NIN: variants seen among roughly 807,000 people sequenced by gnomAD.
The protein encoded by NIN is glycogen synthase kinase 3 beta-interacting protein.
Under a neutral mutation model 257.6 loss-of-function variants are expected in NIN, and 137 were observed. The ratio of observed to expected loss-of-function variants is 0.53; its 90% CI spans 0.46 to 0.61. NIN has a LOEUF of 0.61. Among genes scored for constraint, NIN ranks in the 20% least tolerant of loss-of-function variants. The pLI is 0.00. For missense variants in NIN, 2,439 were observed against 2,501.2 expected, an observed-to-expected ratio of 0.98 and a Z score of 0.53; for synonymous variants, 918 against 919.8, an observed-to-expected ratio of 1.00 and a Z score of 0.04.
rs887266520 is a variant in NIN at position 50,722,691 on chromosome 14, T to A, written c.*772A>T. 4.6e-6 allele frequency: 1 copy of A among 217,078 alleles called. No homozygotes were observed. 13.4% of individuals were successfully genotyped at this position (217,078 alleles called of 1,614,324 possible). A position where few individuals can be genotyped will look rare whatever the true frequency, so the allele number is the denominator to read the frequency against. ...CTCCAAAGTGGTTTGTTCAGTGCTT[T>A]CCCTATAGTTCAACTGCTTTAATTA... On this transcript the variant is annotated 3_prime_UTR_variant, in exon 31 of 31. Transcript: ENST00000530997.
At chr14:50,745,481 A>G (rs565136834) in intron 22 of NIN, among the ~76,000 whole-genome samples, 106 of 152,254 alleles carry the variant, frequency 7.0e-4, no homozygotes, top group Non-Finnish European at 1.2e-3. Flanking sequence ...ATTCTTTATT[A>G]TCATTATGAT....
chr14:50,750,810 A>G (rs944686404), intron 21 of NIN, among the ~76,000 whole-genome samples: 35 of 152,154 alleles, frequency 2.3e-4, no homozygotes, highest in African/African-American at 7.0e-4. Context: ...CTATGGTTCT[A>G]AGAGTCAGAG....
Position 50,741,820 on chromosome 14 carries a change from C to T in NIN, c.5302-92G>A. On this transcript the variant is annotated intron_variant, in intron 24 of 30. Coordinates refer to ENST00000530997, the MANE Select transcript of NIN (RefSeq NM_020921.4). Reference sequence around the variant, plus strand: ...GAATGAATAAGGACAAAAGAACTTTCAAGTCTGTTTGTTTCTCTTTACTAA... The same window carrying T: ...GAATGAATAAGGACAAAAGAACTTTTAAGTCTGTTTGTTTCTCTTTACTAA... 3 of 1,421,148 alleles carry T rather than the reference C, an allele frequency of 2.1e-6. No individual in the cohort carries two copies. In the South Asian group the frequency reaches 4.2e-5, roughly 20 times the overall value. The allele number at this position is 1,421,148 out of a possible 1,614,324, so 88.0% of individuals were successfully genotyped here.
At chr14:50,766,157 G>T in intron 14 of NIN, 150 bp downstream of exon 14, 2 of 638,240 alleles carry the variant, frequency 3.1e-6, no homozygotes, top group Non-Finnish European at 5.5e-6. Flanking sequence ...ATTTTGTGGT[G>T]GGTACTTTTA....
chr14:50,767,363 C>A (rs544563091), intron 12 of NIN, among the ~76,000 whole-genome samples: 24 of 152,296 alleles, frequency 1.6e-4, no homozygotes, highest in African/African-American at 5.8e-4. Flanking sequence ...TATTTGCAAA[C>A]TGAAATTATA....
At chr14:50,794,756 G>C (rs1239330813) in intron 4 of NIN, among the ~76,000 whole-genome samples, 5 of 132,908 alleles carry the variant, frequency 3.8e-5, no homozygotes, top group Admixed American at 1.5e-4. Flanking sequence ...CACTTATTCA[G>C]AGGTTAAAAA....
intron 12 of NIN, 102 bp from the exon 13 acceptor site, chr14:50,766,992 G>A: frequency 1.3e-6 from 1 of 756,608 alleles, no homozygotes. Flanking sequence ...GATTAAAGAT[G>A]TTTATCTATC....
At chr14:50,826,704 G>A (rs2045473150) in intron 2 of NIN, among the ~76,000 whole-genome samples, 1 of 152,134 alleles carries the variant, frequency 6.6e-6, no homozygotes, top group African/African-American at 2.4e-5. Context: ...AGTGAAAAAG[G>A]GACAAAGTCT....
intron 3 of NIN, among the ~76,000 whole-genome samples, chr14:50,818,509 T>C (rs533705728): frequency 6.6e-6 from 1 of 152,208 alleles, no homozygotes; most frequent in East Asian, 1.9e-4. Context: ...TTTTGTAGTA[T>C]TTGCTCCCCG....
chr14:50,729,661 CA>C lies in NIN; in HGVS notation c.5939del (p.Leu1980ArgfsTer28). 2.5e-6 allele frequency: 4 copies of C among 1,613,734 alleles called. No homozygotes were observed. The highest frequency in any genetic ancestry group is 3.4e-6 in the Non-Finnish European group (4 of 1,179,902). The part of the protein sequence containing the change: ...SPSPHAWDLQ[L>X]LQQQACPMVP... Reference sequence around the variant, plus strand: ...CCATCGGACAGGCTTGCTGCTGGAGCAGCTGCAAATCCCAAGCATGAGGGGA... The same window carrying C: ...CCATCGGACAGGCTTGCTGCTGGAGCGCTGCAAATCCCAAGCATGAGGGGA... On this transcript the variant is annotated frameshift_variant, in exon 29 of 31. Coordinates refer to ENST00000530997, the MANE Select transcript of NIN (RefSeq NM_020921.4). LOFTEE classifies it high-confidence loss of function.
intron 4 of NIN, chr14:50,794,396 C>A (rs72683631): frequency 0.15 from 97,881 of 635,604 alleles, 7,815 homozygotes; most frequent in African/African-American, 0.22. Context: ...TTTAAGCATA[C>A]AAAATTTATA....
At chr14:50,769,031 G>T (rs560708380) in intron 12 of NIN, among the ~76,000 whole-genome samples, 1 of 151,856 alleles carries the variant, frequency 6.6e-6, no homozygotes, top group Non-Finnish European at 1.5e-5. Flanking sequence ...AGAAATTCAC[G>T]AAATGAAACA....
At chr14:50,794,436 CT>C in intron 4 of NIN, 3 of 978,864 alleles carry the variant, frequency 3.1e-6, no homozygotes, top group Non-Finnish European at 3.7e-6. Flanking sequence ...TTGAAGGTAC[CT>C]TTTATCAGAA....
intron 17 of NIN, among the ~76,000 whole-genome samples, chr14:50,759,123 C>T (rs182059733): frequency 9.2e-5 from 14 of 152,196 alleles, no homozygotes; most frequent in Non-Finnish European, 1.9e-4. Context: ...ACAAAGCCCT[C>T]AAATAAACCT....
intron 3 of NIN, among the ~76,000 whole-genome samples, chr14:50,807,196 C>A (rs76304569): frequency 6.6e-6 from 1 of 152,152 alleles, no homozygotes; most frequent in Admixed American, 6.5e-5. Context: ...TCCAATGTAA[C>A]GATGTCCCAA....
chr14:50,767,077 A>G (rs2042518494), intron 12 of NIN, among the ~76,000 whole-genome samples, 187 bp from the exon 13 acceptor site: 1 of 152,234 alleles, frequency 6.6e-6, no homozygotes, highest in African/African-American at 2.4e-5. Context: ...CAACAAAATA[A>G]GTTTGCCCTT....
chr14:50,731,558 G>A lies in NIN; in HGVS notation c.5878-1835C>T, dbSNP rs554602734. On this transcript the variant is annotated intron_variant, in intron 28 of 30. Coordinates refer to ENST00000530997, the MANE Select transcript of NIN (RefSeq NM_020921.4). ...AAAAAAAAAAAAAAAAAATTAGGTC[G>A]CGTATGGTGGCTCACGCCTGTAATC... Among the ~76,000 whole-genome samples the A allele has an allele frequency of 1.7e-3, 252 of 149,288 alleles. 2 individuals are homozygous for A. Among genetic ancestry groups the A allele is most frequent in the Non-Finnish European group, 1.7e-3 (116 of 67,478 alleles).
intron 2 of NIN, among the ~76,000 whole-genome samples, chr14:50,828,833 C>T (rs1483611201): frequency 1.3e-5 from 2 of 152,182 alleles, no homozygotes; most frequent in African/African-American, 4.8e-5. Context: ...CCTATTCTCC[C>T]CCTCTGTGAC....
intron 3 of NIN, among the ~76,000 whole-genome samples, chr14:50,819,166 A>G (rs1230532726): frequency 6.6e-6 from 1 of 152,252 alleles, no homozygotes. Context: ...AAGATTTAAA[A>G]GACAAAATTA....
Sources: gnomAD v4.1 joint callset for allele counts (sites outside exome capture counted in the v4.1 genomes callset) on GRCh38, gnomAD v4.1.1 for gene constraint, MANE v1.5 for transcripts, NCBI Gene and HGNC (gene_info 2026-07-23, HGNC 2026-07-21) for gene names.